Variants in FRY observed in about 807,000 individuals in gnomAD.
The protein encoded by FRY is protein furry homolog.
A neutral mutation model predicts 348.4 loss-of-function variants in FRY; 128 were observed. The observed-to-expected ratio is 0.37, with a 90% CI of 0.32 to 0.43. The LOEUF (loss-of-function observed/expected upper bound fraction) is 0.43. Ranked by LOEUF, FRY falls within the 20% of genes least tolerant of loss-of-function variation. The pLI, the probability that FRY is intolerant of heterozygous loss-of-function variation, is 1.00. For synonymous variants in FRY, 1,370 were observed against 1,374.7 expected (o/e 1.00, Z 0.08); for missense variants, 2,736 against 3,695.2 (o/e 0.74, Z 6.73).
chr13:32,163,767 G>A (rs904843022), intron 17 of FRY, among the ~76,000 whole-genome samples: 26 of 152,326 alleles, frequency 1.7e-4, no homozygotes, highest in South Asian at 6.2e-4. Flanking sequence ...GGTGCCAGGC[G>A]TGTTGGGAGG....
At chr13:32,214,306 A>G (rs1884854935) in intron 35 of FRY, among the ~76,000 whole-genome samples, 1 of 152,240 alleles carries the variant, frequency 6.6e-6, no homozygotes, top group African/African-American at 2.4e-5. Flanking sequence ...ATTCCTAGAG[A>G]ACACAGAGAG....
intron 17 of FRY, among the ~76,000 whole-genome samples, chr13:32,166,252 C>G (rs992726580): frequency 6.6e-6 from 1 of 152,204 alleles, no homozygotes. Context: ...TTTCTGTTCC[C>G]TCTTAATTGT....
At position 32,085,625 on chromosome 13, in the gene FRY, C is replaced by T. The variant is rs544382939; in HGVS notation, c.270+6592C>T. Among the ~76,000 whole-genome samples, 115 of 152,280 alleles carry T rather than the reference C, an allele frequency of 7.6e-4. 3 individuals carry two copies. The South Asian group carries it at 0.023, about 30-fold the overall frequency. On this transcript the variant is annotated intron_variant, in intron 2 of 60. Transcript: ENST00000542859. ...GGGAGTGTGTGGAGCCCCTGATACA[C>T]TCCTGAGCATGTAGGAGATGCTCAT...
Position 32,171,272 on chromosome 13 carries a change from T to TGATTTTCAC in FRY, c.2151+3_2151+11dup. 6.3e-7 allele frequency: 1 copy of TGATTTTCAC among 1,594,952 alleles called. No individual in the cohort carries two copies. The highest frequency in any genetic ancestry group is 1.7e-5 in the Admixed American group (1 of 59,608). On this transcript the variant is annotated splice_region_variant and intron_variant, in intron 18 of 60. Transcript: ENST00000542859. ...GCCAACAAAATCAGAAATTCAGAGG[T>TGATTTTCAC]GATTTTCACACCTTACCCATGAATT...
chr13:32,147,332 A>G lies in FRY; in HGVS notation c.1230A>G (p.Leu410=), dbSNP rs1225472163. ...TTGCACTGGAATCTCTCTACAGATT[A>G]CTTTGGGTTTACATGATTCGAATTA... The part of the protein sequence containing the change: ...ARVALESLYR[L]LWVYMIRIKC... The change falls in exon 12 of 61, where the codon TTA becomes TTG. Residue 410 remains leucine (L), a synonymous_variant. Coordinates refer to ENST00000542859, the MANE Select transcript of FRY (RefSeq NM_023037.3). 1.2e-6 allele frequency: 2 copies of G among 1,612,894 alleles called. No homozygotes were observed. Among genetic ancestry groups the G allele is most frequent in the Admixed American group, 1.7e-5 (1 of 60,004 alleles).
rs534683015 is a variant in FRY at position 32,250,714 on chromosome 13, A to G, written c.7170+1027A>G. Among the ~76,000 whole-genome samples, 3 of 152,318 alleles carry G rather than the reference A, an allele frequency of 2.0e-5. No individual in the cohort carries two copies. The East Asian group carries it at 5.8e-4, about 29-fold the overall frequency. ...GAAGGTGAAGTGGGTGCTGGGAAGG[A>G]CAAAGTGGGTGCCCAGGAGGACTCA... On this transcript the variant is annotated intron_variant, in intron 49 of 60. Coordinates refer to ENST00000542859, the MANE Select transcript of FRY (RefSeq NM_023037.3).
At chr13:32,163,887 T>G (rs1398898784) in intron 17 of FRY, among the ~76,000 whole-genome samples, 1 of 151,768 alleles carries the variant, frequency 6.6e-6, no homozygotes, top group African/African-American at 2.4e-5. Flanking sequence ...TTTTGTTTTT[T>G]CTTTTTTCTT....
At chr13:32,065,225 T>C (rs1874179170) in intron 1 of FRY, among the ~76,000 whole-genome samples, 1 of 152,192 alleles carries the variant, frequency 6.6e-6, no homozygotes, top group East Asian at 1.9e-4. Flanking sequence ...ATATGTAACA[T>C]ATTGCCATCA....
chr13:32,120,868 G>C (rs1878607577), intron 4 of FRY, among the ~76,000 whole-genome samples: 1 of 152,158 alleles, frequency 6.6e-6, no homozygotes, highest in Non-Finnish European at 1.5e-5. Flanking sequence ...CACTATGTTG[G>C]CCAAGCTGGT....
In FRY at chr13:32,237,296, A is replaced by G; in HGVS notation, c.5811-83A>G. Reference sequence around the variant, plus strand: ...TTCTAAAGAATGATTTCCCTCCTGCAGTGTTTCTCAGTGGACTTGAAAGGA... The same window carrying G: ...TTCTAAAGAATGATTTCCCTCCTGCGGTGTTTCTCAGTGGACTTGAAAGGA... On this transcript the variant is annotated intron_variant, in intron 43 of 60. Coordinates refer to ENST00000542859, the MANE Select transcript of FRY (RefSeq NM_023037.3). This position sits in a 1 kb window ranked among gnomAD's most constrained non-coding sequence, Gnocchi z 6.3. 7.9e-7 allele frequency: 1 copy of G among 1,265,242 alleles called. No individual in the cohort carries two copies. Among genetic ancestry groups the G allele is most frequent in the Admixed American group, 1.7e-5 (1 of 59,166 alleles). 78.4% of individuals were successfully genotyped at this position (1,265,242 alleles called of 1,614,324 possible). A position where few individuals can be genotyped will look rare whatever the true frequency, so the allele number is the denominator to read the frequency against.
intron 55 of FRY, among the ~76,000 whole-genome samples, chr13:32,273,312 CCTG>C (rs1254488928): frequency 2.0e-5 from 3 of 151,378 alleles, no homozygotes; most frequent in Non-Finnish European, 4.4e-5. Context: ...GGCTCCGCCC[CCTG>C]GGGTTCACGC....
chr13:32,257,817 T>C (rs1887415581), intron 51 of FRY: 1 of 639,218 alleles, frequency 1.6e-6, no homozygotes, highest in Admixed American at 2.9e-5. Context: ...ACCTTTTCTT[T>C]TAAGGTGCAC....
intron 28 of FRY, among the ~76,000 whole-genome samples, chr13:32,192,792 G>A (rs1184278468): frequency 1.4e-5 from 2 of 143,112 alleles, no homozygotes; most frequent in Non-Finnish European, 3.0e-5. Context: ...TGCCCCAGCT[G>A]GAGTGCAGTA....
intron 51 of FRY, among the ~76,000 whole-genome samples, chr13:32,255,157 C>T (rs992962241): frequency 6.6e-6 from 1 of 152,148 alleles, no homozygotes; most frequent in African/African-American, 2.4e-5. Flanking sequence ...GGGATCAAAA[C>T]TCAGTTCACT....
intron 58 of FRY, among the ~76,000 whole-genome samples, chr13:32,282,689 T>G (rs538648258): frequency 6.6e-6 from 1 of 152,360 alleles, no homozygotes; most frequent in South Asian, 2.1e-4. Context: ...GCTGAATATT[T>G]ATTTTTCTAG....
At chr13:32,184,069 C>T (rs1177105177) in intron 24 of FRY, among the ~76,000 whole-genome samples, 2 of 152,004 alleles carry the variant, frequency 1.3e-5, no homozygotes, top group African/African-American at 2.4e-5. Flanking sequence ...GTCCCAGCTA[C>T]TCGAGAGGCT....
intron 55 of FRY, among the ~76,000 whole-genome samples, chr13:32,272,687 C>T (rs186037831): frequency 6.6e-6 from 1 of 152,230 alleles, no homozygotes; most frequent in African/African-American, 2.4e-5. Flanking sequence ...AAACATTGTG[C>T]ACTAGAAGTT....
chr13:32,111,445 G>A (rs1026179993), intron 3 of FRY, among the ~76,000 whole-genome samples: 18 of 152,086 alleles, frequency 1.2e-4, no homozygotes, highest in African/African-American at 4.1e-4. Context: ...GCGGTGAGCC[G>A]AGATTGTGCT....
chr13:32,088,850 T>C (rs141703153), intron 2 of FRY, among the ~76,000 whole-genome samples: 110 of 152,302 alleles, frequency 7.2e-4, no homozygotes, highest in African/African-American at 2.5e-3. Flanking sequence ...GTTTCCTTTT[T>C]TTGAGAATAC....
Sources: gnomAD v4.1 joint callset for allele counts (sites outside exome capture counted in the v4.1 genomes callset) on GRCh38, gnomAD v4.1.1 for gene constraint, Gnocchi (gnomAD v3.1) non-coding constraint, MANE v1.5 for transcripts, NCBI Gene and HGNC (gene_info 2026-07-23, HGNC 2026-07-21) for gene names.